The following MOK variants were observed in gnomAD, a reference collection of about 807,000 sequenced individuals.
MOK encodes MAPK/MAK/MRK overlapping kinase.
MOK carries 59 observed loss-of-function variants against 54.2 expected under a neutral mutation model. The ratio of observed to expected loss-of-function variants is 1.09; its 90% CI spans 0.88 to 1.35. The LOEUF is 1.35. Among genes scored for constraint, MOK ranks in the 40% most tolerant of loss-of-function variants. The pLI, the probability that MOK is intolerant of heterozygous loss-of-function variation, is 0.00. For missense variants in MOK, 517 were observed against 526.2 expected (o/e 0.98, Z 0.17); for synonymous variants, 210 against 202.7 (o/e 1.04, Z -0.31).
Position 102,231,959 on chromosome 14 carries a change from A to C in MOK, c.867-138T>G. On this transcript the variant is annotated intron_variant, in intron 9 of 11. Coordinates refer to ENST00000361847, the MANE Select transcript of MOK (RefSeq NM_014226.3). This position sits in a 1 kb window ranked among gnomAD's most constrained non-coding sequence, Gnocchi z 4.4. Reference sequence around the variant, plus strand: ...CTTTTCTGCCTGAGCTGTAATCAGGAGCCTTTTTTTTTCTTTTCTGTCTCA... The same window carrying C: ...CTTTTCTGCCTGAGCTGTAATCAGGCGCCTTTTTTTTTCTTTTCTGTCTCA... 1 of 638,470 alleles carries C rather than the reference A, an allele frequency of 1.6e-6. No homozygotes were observed. Among genetic ancestry groups the C allele is most frequent in the Non-Finnish European group, 2.6e-6 (1 of 385,986 alleles). The allele number at this position is 638,470 out of a possible 1,614,324, so 39.6% of individuals were successfully genotyped here.
the MOK span, among the ~76,000 whole-genome samples, chr14:102,215,837 T>C: frequency 6.6e-6 from 1 of 152,200 alleles, no homozygotes; most frequent in Non-Finnish European, 1.5e-5. Flanking sequence ...ATTTACATTG[T>C]CTTACTATGA....
rs754181862 is a variant in MOK, at chr14:102,252,044, CTCT to C, written c.284-52_284-50del. 6 of 1,021,942 alleles carry C rather than the reference CTCT, an allele frequency of 5.9e-6. No homozygotes were observed. The African/African-American group carries it at 9.7e-5, about 17-fold the overall frequency. 63.3% of individuals were successfully genotyped at this position (1,021,942 alleles called of 1,614,324 possible). ...AATACGGTTACTGATGGTACATATC[CTCT>C]TTTTTGAAATAAAAATAATCTATTT... is the stretch of plus-strand genomic sequence containing the variant. On this transcript the variant is annotated intron_variant, in intron 4 of 11. Transcript: ENST00000361847.
chr14:102,283,607 G>T lies in MOK; in HGVS notation c.8-15C>A, dbSNP rs1348537433. The T allele has an allele frequency of 1.3e-6, 2 of 1,521,972 alleles. No individual in the cohort carries two copies. Among genetic ancestry groups the T allele is most frequent in the Non-Finnish European group, 1.8e-6 (2 of 1,105,210 alleles). The allele number at this position is 1,521,972 out of a possible 1,614,324, so 94.3% of individuals were successfully genotyped here. A position where few individuals can be genotyped will look rare whatever the true frequency, so the allele number is the denominator to read the frequency against. On this transcript the variant is annotated splice_polypyrimidine_tract_variant and intron_variant, in intron 1 of 11. Coordinates refer to ENST00000361847, the MANE Select transcript of MOK (RefSeq NM_014226.3). ...TGCTTTATAGTCTATAAATAAAAAT[G>T]ATTACAAAAATAAAATGTTATTTAT...
intron 2 of MOK, among the ~76,000 whole-genome samples, chr14:102,266,798 T>A (rs2067952495): frequency 6.6e-6 from 1 of 151,968 alleles, no homozygotes; most frequent in Non-Finnish European, 1.5e-5. Flanking sequence ...GCCAGGCTGG[T>A]CTCAAACTCC....
chr14:102,226,206 G>A (rs748773094), downstream of MOK: 2 of 621,888 alleles, frequency 3.2e-6, no homozygotes, highest in Admixed American at 5.2e-5. The surrounding 1 kb of genome is among the most constrained non-coding windows in gnomAD (Gnocchi z 4.8). Context: ...CCAGTGTGGG[G>A]TGTGACTGGG....
At chr14:102,284,657 T>C (rs1186153657) in intron 1 of MOK, among the ~76,000 whole-genome samples, 1 of 152,124 alleles carries the variant, frequency 6.6e-6, no homozygotes, top group Non-Finnish European at 1.5e-5. Context: ...ATTGAACAAA[T>C]GGCTCATCTT....
intron 7 of MOK, among the ~76,000 whole-genome samples, chr14:102,239,687 G>A (rs149256908): frequency 6.6e-6 from 1 of 152,292 alleles, no homozygotes; most frequent in East Asian, 1.9e-4. Flanking sequence ...TGGCCAACAT[G>A]GTGAAACCCC....
chr14:102,264,243 GA>G (rs1432716439), intron 3 of MOK: 1 of 146,114 alleles, frequency 6.8e-6, no homozygotes, highest in Non-Finnish European at 1.5e-5. Context: ...AAGAAAGAAA[GA>G]AAATTAATTC....
intron 4 of MOK, among the ~76,000 whole-genome samples, chr14:102,259,413 C>T (rs898153517): frequency 1.3e-5 from 2 of 152,096 alleles, no homozygotes; most frequent in Admixed American, 6.6e-5. Flanking sequence ...CTGAGCTGGG[C>T]CCAGAAATAG....
At position 102,240,968 on chromosome 14, in the gene MOK, G is replaced by T. The variant is rs1241788381; in HGVS notation, c.591-7179C>A. Among the ~76,000 whole-genome samples the T allele has an allele frequency of 2.0e-5, 3 of 151,894 alleles. No individual in the cohort carries two copies. The highest frequency in any genetic ancestry group is 7.3e-5 in the African/African-American group (3 of 41,354). On this transcript the variant is annotated intron_variant, in intron 7 of 11. Coordinates refer to ENST00000361847, the MANE Select transcript of MOK (RefSeq NM_014226.3). The surrounding 1 kb of genome is among the most constrained non-coding windows in gnomAD (Gnocchi z 5.4). ...CCTGACCTAAAACCTAAGTGTCTTC[G>T]CCAACACCACTTGGCCCCAATACAA...
At chr14:102,274,212 C>T (rs1489999811) in intron 2 of MOK, among the ~76,000 whole-genome samples, 1 of 151,276 alleles carries the variant, frequency 6.6e-6, no homozygotes, top group East Asian at 1.9e-4. Flanking sequence ...CCGCCTCGGC[C>T]TCCCAAAGTG....
At chr14:102,227,555 G>A (rs1048157811), downstream of MOK, among the ~76,000 whole-genome samples, 2 of 152,168 alleles carry the variant, frequency 1.3e-5, no homozygotes, top group South Asian at 2.1e-4. Context: ...GGCCTGCACT[G>A]CACCCTGCTC....
downstream of MOK, among the ~76,000 whole-genome samples, chr14:102,221,576 C>G (rs908374802): frequency 5.3e-5 from 8 of 152,176 alleles, no homozygotes; most frequent in African/African-American, 1.4e-4. This position sits in a 1 kb window ranked among gnomAD's most constrained non-coding sequence, Gnocchi z 4.8. Context: ...AGGAAAAGCA[C>G]TCCTATAGAC....
At chr14:102,277,055 A>G (rs1469574868) in intron 2 of MOK, among the ~76,000 whole-genome samples, 3 of 144,162 alleles carry the variant, frequency 2.1e-5, no homozygotes, top group Admixed American at 1.4e-4. Context: ...AAAAGATACT[A>G]AAAGTCTTTC....
chr14:102,280,710 T>C (rs1453378278), intron 2 of MOK: 3 of 152,292 alleles, frequency 2.0e-5, no homozygotes, highest in Middle Eastern at 3.4e-3. Context: ...GAAGCCAAGA[T>C]TCTGGTGGAC....
intron 2 of MOK, among the ~76,000 whole-genome samples, chr14:102,280,073 A>G (rs946095951): frequency 6.6e-6 from 1 of 151,770 alleles, no homozygotes; most frequent in African/African-American, 2.4e-5. Flanking sequence ...ATGATAAGCA[A>G]GCAGAAACGG....
chr14:102,275,747 T>C (rs902994352), intron 2 of MOK, among the ~76,000 whole-genome samples: 1 of 151,722 alleles, frequency 6.6e-6, no homozygotes, highest in Admixed American at 6.6e-5. Context: ...TCACTGACAT[T>C]AAAAAACTTC....
At chr14:102,294,445 C>CAAA (rs540805039) in intron 1 of MOK, among the ~76,000 whole-genome samples, 1 of 64,050 alleles carries the variant, frequency 1.6e-5, no homozygotes. Flanking sequence ...GACTCCGTCT[C>CAAA]AAAAAAAAAA....
chr14:102,294,191 A>C (rs554491084), intron 1 of MOK, among the ~76,000 whole-genome samples: 1 of 151,434 alleles, frequency 6.6e-6, no homozygotes, highest in East Asian at 1.9e-4. Flanking sequence ...TCATGCCTGT[A>C]ATCCCAGCAC....
Sources: gnomAD v4.1 joint callset for allele counts (sites outside exome capture counted in the v4.1 genomes callset) on GRCh38, gnomAD v4.1.1 for gene constraint, Gnocchi (gnomAD v3.1) non-coding constraint, MANE v1.5 for transcripts, NCBI Gene and HGNC (gene_info 2026-07-23, HGNC 2026-07-21) for gene names.